EYS: variants seen among roughly 807,000 people sequenced by gnomAD.
The protein encoded by EYS is protein eyes shut homolog.
A neutral mutation model predicts 282.1 loss-of-function variants in EYS; 250 were observed. That is an observed-to-expected ratio of 0.89 (90% CI 0.80 to 0.98). The LOEUF is 0.98. EYS is among the 50% of genes least tolerant of loss of function. EYS has a pLI of 0.00. For synonymous variants in EYS, 1,355 were observed against 1,282.9 expected (o/e 1.06, Z -1.20); for missense variants, 4,016 against 3,709.0 (o/e 1.08, Z -2.15).
At chr6:65,434,322 A>ATTTT (rs369477528) in intron 5 of EYS, among the ~76,000 whole-genome samples, 2 of 144,600 alleles carry the variant, frequency 1.4e-5, no homozygotes, top group Non-Finnish European at 1.5e-5. Context: ...GGTTTGCATA[A>ATTTT]TTTTTTTTTT....
chr6:65,346,399 C>G (rs1582167330), intron 9 of EYS, among the ~76,000 whole-genome samples: 1 of 143,822 alleles, frequency 7.0e-6, no homozygotes, highest in Non-Finnish European at 1.5e-5. Context: ...GTCATTTTAC[C>G]CTTATTGAAA....
chr6:65,082,206 T>C (rs990148957), intron 12 of EYS, among the ~76,000 whole-genome samples: 1 of 152,094 alleles, frequency 6.6e-6, no homozygotes, highest in Non-Finnish European at 1.5e-5. Context: ...TCAAGCATAG[T>C]TAATAATAAA....
At chr6:63,851,897 C>A (rs1294198962) in intron 36 of EYS, among the ~76,000 whole-genome samples, 2 of 152,110 alleles carry the variant, frequency 1.3e-5, no homozygotes, top group African/African-American at 2.4e-5. Flanking sequence ...GTGGCTCATG[C>A]CTGTAATCCC....
chr6:64,679,140 C>CCCT (rs1769809434), intron 22 of EYS, among the ~76,000 whole-genome samples: 2 of 152,130 alleles, frequency 1.3e-5, no homozygotes, highest in Non-Finnish European at 2.9e-5. Flanking sequence ...ACCCCAACTT[C>CCCT]ACATCTTGTA....
chr6:65,273,510 A>T (rs896267009), intron 12 of EYS, among the ~76,000 whole-genome samples: 3 of 152,044 alleles, frequency 2.0e-5, no homozygotes, highest in Non-Finnish European at 4.4e-5. Context: ...ATAAGGTAAC[A>T]CTCTCCGGAA....
intron 12 of EYS, among the ~76,000 whole-genome samples, chr6:65,128,241 G>T (rs542153836): frequency 6.6e-6 from 1 of 151,992 alleles, no homozygotes; most frequent in South Asian, 2.1e-4. Context: ...AATATTAACA[G>T]AAAGGAGAAG....
At position 64,320,846 on chromosome 6, in the gene EYS, T is replaced by C. The variant is rs547204314; in HGVS notation, c.6079-13764A>G. On this transcript the variant is annotated intron_variant, in intron 29 of 42. Coordinates refer to ENST00000503581, the MANE Select transcript of EYS (RefSeq NM_001142800.2). ...TGTAAATAAGATATTGTAGTAGCAA[T>C]TACTCATTCATGGCCAGAAAACCTA... 3.9e-5 allele frequency among the ~76,000 whole-genome samples: 6 copies of C among 151,940 alleles called. No individual in the cohort carries two copies. The South Asian group carries it at 1.0e-3, about 26-fold the overall frequency.
intron 1 of EYS, among the ~76,000 whole-genome samples, chr6:65,669,228 A>C (rs2149831356): frequency 6.6e-6 from 1 of 152,080 alleles, no homozygotes; most frequent in South Asian, 2.1e-4. Context: ...CAGGCGATGA[A>C]TGTGTGTGTG....
At chr6:64,783,794 A>AT (rs934033550) in intron 22 of EYS, among the ~76,000 whole-genome samples, 1 of 152,100 alleles carries the variant, frequency 6.6e-6, no homozygotes, top group Non-Finnish European at 1.5e-5. Context: ...AATCATCCAA[A>AT]TTTTTTTAAC....
At chr6:64,299,880 C>T (rs111236610) in intron 30 of EYS, among the ~76,000 whole-genome samples, 36 of 152,228 alleles carry the variant, frequency 2.4e-4, no homozygotes, top group African/African-American at 7.2e-4. Context: ...GCTCTGGTCC[C>T]ATTATACACA....
chr6:65,256,272 TTC>T (rs1207588154), intron 12 of EYS, among the ~76,000 whole-genome samples: 6 of 138,420 alleles, frequency 4.3e-5, no homozygotes, highest in African/African-American at 1.5e-4. Context: ...CTTTTTTTTT[TTC>T]TTTTTTTTTT....
chr6:65,320,342 T>C, intron 11 of EYS, among the ~76,000 whole-genome samples: 1 of 151,936 alleles, frequency 6.6e-6, no homozygotes, highest in Non-Finnish European at 1.5e-5. Flanking sequence ...CAGAAATGAG[T>C]GTCTAGTTCA....
At chr6:64,551,183 C>T (rs576319026) in intron 26 of EYS, among the ~76,000 whole-genome samples, 3 of 148,304 alleles carry the variant, frequency 2.0e-5, no homozygotes, top group Admixed American at 6.8e-5. Context: ...TATATACACA[C>T]ATATATACAT....
rs1582140158 is a variant in EYS, at chr6:63,721,348, T to C, written c.8683A>G (p.Thr2895Ala). ...RNGGECTVNGTTFSCRCLPDW... is the reference protein window; with the variant it reads ...RNGGECTVNGATFSCRCLPDW... The stretch of plus-strand genomic sequence containing the variant: ...GGCAAACATCTGCAAGAAAAAGTTG[T>C]GCCATTTACTGTACATTCACCTCCA... Residue 2895 changes from threonine (T) to alanine (A), a missense_variant, in exon 43 of 43, where the codon ACA (threonine) becomes GCA (alanine). Thr to Ala is a moderately conservative substitution (Grantham distance 58, BLOSUM62 0). Transcript: ENST00000503581. 1 of 1,551,946 alleles carries C rather than the reference T, an allele frequency of 6.4e-7. No homozygotes were observed. The highest frequency in any genetic ancestry group is 1.4e-5 in the African/African-American group (1 of 73,160).
chr6:65,239,421 T>C (rs188973316), intron 12 of EYS, among the ~76,000 whole-genome samples: 2 of 152,236 alleles, frequency 1.3e-5, no homozygotes, highest in Admixed American at 6.5e-5. Flanking sequence ...GTTTAATATA[T>C]AAAAATTATC....
chr6:65,364,428 C>A (rs891185594), intron 8 of EYS, among the ~76,000 whole-genome samples: 1 of 150,826 alleles, frequency 6.6e-6, no homozygotes, highest in African/African-American at 2.4e-5. Flanking sequence ...ATATGATAAC[C>A]TTGCATGAGT....
chr6:64,256,023 C>A (rs773706792), intron 30 of EYS, among the ~76,000 whole-genome samples: 1 of 151,880 alleles, frequency 6.6e-6, no homozygotes, highest in Non-Finnish European at 1.5e-5. Context: ...CAATGAATAT[C>A]CTTTTAATTC....
intron 22 of EYS, among the ~76,000 whole-genome samples, chr6:64,640,856 C>T (rs1349130504): frequency 6.6e-6 from 1 of 152,166 alleles, no homozygotes; most frequent in Admixed American, 6.6e-5. Context: ...TTTAGTGTCT[C>T]ATTTTGGATA....
intron 12 of EYS, among the ~76,000 whole-genome samples, chr6:65,187,040 A>G (rs1457240303): frequency 6.6e-6 from 1 of 151,758 alleles, no homozygotes; most frequent in Non-Finnish European, 1.5e-5. Flanking sequence ...CACAGGCACT[A>G]TTTGGGGTTG....
Sources: gnomAD v4.1 joint callset for allele counts (sites outside exome capture counted in the v4.1 genomes callset) on GRCh38, gnomAD v4.1.1 for gene constraint, MANE v1.5 for transcripts, NCBI Gene and HGNC (gene_info 2026-07-23, HGNC 2026-07-21) for gene names.